Variants in SPOCK3 observed in about 807,000 individuals in gnomAD.
The protein encoded by SPOCK3 is SPARC (osteonectin), cwcv and kazal like domains proteoglycan 3.
SPOCK3 carries 30 observed loss-of-function variants against 56.6 expected under a neutral mutation model. The observed-to-expected ratio is 0.53, with a 90% confidence interval of 0.40 to 0.72. The LOEUF is 0.72. Ranked by LOEUF, SPOCK3 falls within the 30% of genes least tolerant of loss-of-function variation. SPOCK3 has a pLI of 0.00. For missense variants in SPOCK3, 527 were observed against 530.0 expected, an observed-to-expected ratio of 0.99 and a Z score of 0.06; for synonymous variants, 196 against 183.3, an observed-to-expected ratio of 1.07 and a Z score of -0.56.
Position 167,018,411 on chromosome 4 carries a change from G to A in SPOCK3, c.236-17948C>T, listed in dbSNP as rs547924249. 2.6e-5 allele frequency among the ~76,000 whole-genome samples: 4 copies of A among 152,172 alleles called. No individual in the cohort carries two copies. The South Asian group carries it at 8.3e-4, about 32-fold the overall frequency. On this transcript the variant is annotated intron_variant, in intron 3 of 10. Coordinates refer to ENST00000357545, the MANE Select transcript of SPOCK3 (RefSeq NM_001040159.2). ...CCTACTTTAGTTTTGGAATTCTGGA[G>A]TGGGATGAGGAAAATTCTTGTCTTC...
intron 2 of SPOCK3, among the ~76,000 whole-genome samples, chr4:167,233,720 G>A (rs1261931629): frequency 6.6e-6 from 1 of 152,132 alleles, no homozygotes; most frequent in African/African-American, 2.4e-5. Flanking sequence ...GGGCCGGGAG[G>A]GGGCACAGGG....
At chr4:167,099,613 T>C (rs1409994662) in intron 2 of SPOCK3, among the ~76,000 whole-genome samples, 6 of 152,104 alleles carry the variant, frequency 3.9e-5, no homozygotes, top group African/African-American at 1.4e-4. Flanking sequence ...GTTTACATAA[T>C]AAATGCAAAG....
chr4:167,128,550 GACAA>G (rs546424786), intron 2 of SPOCK3, among the ~76,000 whole-genome samples: 112 of 152,300 alleles, frequency 7.4e-4, no homozygotes, highest in Middle Eastern at 6.8e-3. Flanking sequence ...GCCCAGAGAA[GACAA>G]ACAGTGTTCA....
At chr4:166,941,851 T>G (rs1741103964) in intron 4 of SPOCK3, among the ~76,000 whole-genome samples, 1 of 151,810 alleles carries the variant, frequency 6.6e-6, no homozygotes, top group African/African-American at 2.4e-5. Context: ...TGGATGTGAA[T>G]CATTCAGCCC....
At chr4:167,135,657 ATTAT>A (rs1264439342) in intron 2 of SPOCK3, among the ~76,000 whole-genome samples, 2 of 148,370 alleles carry the variant, frequency 1.3e-5, no homozygotes, top group Non-Finnish European at 3.0e-5. Flanking sequence ...ACCTAGATAT[ATTAT>A]TTATTGTCCT....
At chr4:166,852,790 G>A (rs1486215175) in intron 6 of SPOCK3, among the ~76,000 whole-genome samples, 2 of 152,120 alleles carry the variant, frequency 1.3e-5, no homozygotes, top group Admixed American at 1.3e-4. Flanking sequence ...AGGTTTTAAA[G>A]GAAAGAGGTA....
At chr4:167,159,980 C>T (rs1241778309) in intron 2 of SPOCK3, among the ~76,000 whole-genome samples, 7 of 152,212 alleles carry the variant, frequency 4.6e-5, no homozygotes, top group South Asian at 2.1e-4. Context: ...AAAACTGGCA[C>T]AAGACAGGGA....
intron 2 of SPOCK3, among the ~76,000 whole-genome samples, chr4:167,197,738 T>C (rs923562369): frequency 6.6e-6 from 1 of 152,288 alleles, no homozygotes; most frequent in East Asian, 1.9e-4. Flanking sequence ...TCTGATGTTA[T>C]GTTTTAAGTT....
At chr4:167,153,354 T>G (rs970794449) in intron 2 of SPOCK3, among the ~76,000 whole-genome samples, 2 of 152,226 alleles carry the variant, frequency 1.3e-5, no homozygotes, top group Non-Finnish European at 2.9e-5. Flanking sequence ...GAGCAGCTTT[T>G]GGCATCAATT....
At chr4:167,202,991 C>A (rs989104078) in intron 2 of SPOCK3, among the ~76,000 whole-genome samples, 19 of 151,152 alleles carry the variant, frequency 1.3e-4, no homozygotes, top group Admixed American at 9.2e-4. Flanking sequence ...TAATCATGTT[C>A]TTTTGATATT....
At chr4:167,149,524 A>T (rs1272179498) in intron 2 of SPOCK3, among the ~76,000 whole-genome samples, 1 of 152,038 alleles carries the variant, frequency 6.6e-6, no homozygotes, top group South Asian at 2.1e-4. Flanking sequence ...GAAAATATAG[A>T]TTCTCCTGTT....
intron 2 of SPOCK3, among the ~76,000 whole-genome samples, chr4:167,116,611 A>G (rs1444089081): frequency 7.4e-6 from 1 of 134,390 alleles, no homozygotes; most frequent in Non-Finnish European, 1.5e-5. Context: ...TATACTATAT[A>G]CGTATATATA....
At chr4:167,205,356 ATATAT>A (rs1363856784) in intron 2 of SPOCK3, among the ~76,000 whole-genome samples, 1 of 39,350 alleles carries the variant, frequency 2.5e-5, no homozygotes, top group Non-Finnish European at 3.9e-5. Context: ...TATATAATAT[ATATAT>A]TATATATTTT....
chr4:167,170,210 A>G (rs925230125), intron 2 of SPOCK3, among the ~76,000 whole-genome samples: 1 of 152,168 alleles, frequency 6.6e-6, no homozygotes, highest in South Asian at 2.1e-4. Flanking sequence ...CTGTTTCACT[A>G]TTGTACATAC....
chr4:166,848,299 CTT>C (rs1278558199), intron 6 of SPOCK3, among the ~76,000 whole-genome samples: 8 of 152,070 alleles, frequency 5.3e-5, no homozygotes, highest in Non-Finnish European at 7.4e-5. Context: ...GAGTCAGAAA[CTT>C]TGAATTTGAG....
intron 6 of SPOCK3, among the ~76,000 whole-genome samples, chr4:166,800,331 C>A (rs986840685): frequency 1.1e-4 from 17 of 151,532 alleles, no homozygotes; most frequent in African/African-American, 4.1e-4. Context: ...CCAATATAGA[C>A]ATATTTCTGA....
intron 2 of SPOCK3, among the ~76,000 whole-genome samples, chr4:167,216,358 A>T (rs1464243165): frequency 1.3e-5 from 2 of 152,094 alleles, no homozygotes; most frequent in Non-Finnish European, 2.9e-5. Flanking sequence ...GAAGAACAAG[A>T]TCAGAACTAT....
At chr4:167,217,684 T>G (rs1477283897) in intron 2 of SPOCK3, among the ~76,000 whole-genome samples, 1 of 152,064 alleles carries the variant, frequency 6.6e-6, no homozygotes, top group East Asian at 1.9e-4. Context: ...AATATGTCCT[T>G]TACACAGCTT....
chr4:166,918,936 G>C (rs1232821811), intron 4 of SPOCK3, among the ~76,000 whole-genome samples: 3 of 152,044 alleles, frequency 2.0e-5, no homozygotes, highest in Non-Finnish European at 2.9e-5. Flanking sequence ...TGGCCTCTCT[G>C]TCTTGATTTC....
Sources: allele counts gnomAD v4.1 joint callset (sites outside exome capture counted in the v4.1 genomes callset), GRCh38; gene constraint gnomAD v4.1.1; transcripts MANE v1.5; gene names NCBI Gene and HGNC (gene_info 2026-07-23, HGNC 2026-07-21).